Variants in HDX observed in about 807,000 individuals in gnomAD.
HDX encodes the protein chromosome X open reading frame 43.
In HDX, 19 loss-of-function variants were observed where a neutral mutation model predicts 45.2. The observed-to-expected ratio is 0.42, with a 90% CI of 0.29 to 0.62. HDX has a LOEUF of 0.62. Among genes scored for constraint, HDX ranks in the 20% least tolerant of loss-of-function variants. HDX has a pLI of 0.20. For synonymous variants in HDX, 188 were observed against 172.8 expected (o/e 1.09, Z -0.69); for missense variants, 532 against 493.9 (o/e 1.08, Z -0.73).
chrX:84,417,140 C>T (rs2039122461), intron 5 of HDX, among the ~76,000 whole-genome samples: 2 of 95,272 alleles, frequency 2.1e-5, no homozygotes, highest in South Asian at 5.2e-4. Context: ...AGTGACAGAG[C>T]GAGACTCCAA....
At chrX:84,423,334 A>G (rs1240247931) in intron 5 of HDX, among the ~76,000 whole-genome samples, 1 of 110,787 alleles carries the variant, frequency 9.0e-6, no homozygotes, top group Non-Finnish European at 1.9e-5. Context: ...CCCTAGACCT[A>G]ATGGCTTCAA....
intron 4 of HDX, among the ~76,000 whole-genome samples, chrX:84,453,467 G>A: frequency 8.9e-6 from 1 of 111,833 alleles, no homozygotes; most frequent in Non-Finnish European, 1.9e-5. Context: ...ATGCTGACCT[G>A]TCAGCAGAAG....
chrX:84,360,774 A>T (rs1373821977), intron 6 of HDX, among the ~76,000 whole-genome samples: 1 of 112,100 alleles, frequency 8.9e-6, no homozygotes, highest in Non-Finnish European at 1.9e-5. Context: ...GCTCTATAAT[A>T]GTCCATTATA....
At chrX:84,416,424 ATTGT>A (rs1247758172) in intron 5 of HDX, among the ~76,000 whole-genome samples, 4 of 111,797 alleles carry the variant, frequency 3.6e-5, no homozygotes, top group African/African-American at 9.7e-5. Context: ...ATTATATTTC[ATTGT>A]TTGAGTAAAA....
chrX:84,338,749 A>T, intron 7 of HDX, among the ~76,000 whole-genome samples: 1 of 110,882 alleles, frequency 9.0e-6, no homozygotes, highest in Non-Finnish European at 1.9e-5. Flanking sequence ...ACTCATGTCA[A>T]ATTGCAATCC....
At chrX:84,363,142 G>A (rs983248108) in intron 5 of HDX, among the ~76,000 whole-genome samples, 25 of 111,379 alleles carry the variant, frequency 2.2e-4, no homozygotes, top group Non-Finnish European at 3.6e-4. Context: ...ACTAAATTAC[G>A]TTTCCAATAA....
At chrX:84,326,939 A>G (rs1228903674) in intron 9 of HDX, among the ~76,000 whole-genome samples, 1 of 110,182 alleles carries the variant, frequency 9.1e-6, no homozygotes, top group Non-Finnish European at 1.9e-5. Flanking sequence ...AAGATTAGGA[A>G]TAGATAGAGT....
intron 4 of HDX, among the ~76,000 whole-genome samples, chrX:84,462,698 T>A (rs767326217): frequency 3.6e-5 from 4 of 111,064 alleles, no homozygotes; most frequent in South Asian, 3.7e-4. Flanking sequence ...AAGAATTTTT[T>A]AAAAAATTGG....
chrX:84,475,547 T>C (rs2040530485), intron 2 of HDX, 150 bp from the exon 3 acceptor site: 1 of 399,085 alleles, frequency 2.5e-6, no homozygotes, highest in Non-Finnish European at 4.3e-6. Flanking sequence ...ATAATTTGTG[T>C]GCTAAAGGGA....
chrX:84,412,198 G>A (rs747233924), intron 5 of HDX, among the ~76,000 whole-genome samples: 1 of 111,440 alleles, frequency 9.0e-6, no homozygotes, highest in South Asian at 3.8e-4. Flanking sequence ...AGATCCTGTT[G>A]TCATGCTGCT....
intron 2 of HDX, 41 bp from the exon 3 acceptor site, chrX:84,475,438 T>G (rs758508157): frequency 1.2e-4 from 106 of 893,301 alleles, no homozygotes; most frequent in Non-Finnish European, 2.9e-5. Context: ...GGAATAAAAA[T>G]TTGGTATGTG....
chrX:84,466,249 A>G (rs1030856291), intron 4 of HDX, among the ~76,000 whole-genome samples: 5 of 112,467 alleles, frequency 4.4e-5, no homozygotes, highest in African/African-American at 1.3e-4. Flanking sequence ...GTTCATATGT[A>G]TAAGAAGTTT....
Position 84,363,936 on chromosome X carries a change from C to T in HDX, c.1306-2324G>A, listed in dbSNP as rs778442033. ...AAGAGTAGTATTCCAATAACCCAGG[C>T]AATCTAGGTGAAAGCTGAAACTTTA... is the stretch of plus-strand genomic sequence containing the variant. On this transcript the variant is annotated intron_variant, in intron 5 of 10. Transcript: ENST00000373177. Among the ~76,000 whole-genome samples the T allele has an allele frequency of 2.5e-3, 279 of 111,145 alleles. 2 individuals are homozygous for T. Among genetic ancestry groups the T allele is most frequent in the African/African-American group, 8.8e-3 (270 of 30,617 alleles).
chrX:84,412,058 T>C (rs979319672), intron 5 of HDX, among the ~76,000 whole-genome samples: 11 of 111,868 alleles, frequency 9.8e-5, no homozygotes, highest in East Asian at 2.8e-4. Flanking sequence ...ATGGGTGTCA[T>C]TGAACATGAG....
chrX:84,394,947 A>G (rs2038525521), intron 5 of HDX, among the ~76,000 whole-genome samples: 1 of 111,082 alleles, frequency 9.0e-6, no homozygotes, highest in South Asian at 3.7e-4. Flanking sequence ...TTTTTTATTC[A>G]GCATGTCTAC....
intron 5 of HDX, among the ~76,000 whole-genome samples, chrX:84,419,483 C>T (rs995017203): frequency 4.5e-5 from 5 of 111,931 alleles, no homozygotes; most frequent in African/African-American, 1.3e-4. Flanking sequence ...GGAAGAACTG[C>T]ATCTTGGTGT....
intron 5 of HDX, among the ~76,000 whole-genome samples, chrX:84,414,008 T>C (rs894216406): frequency 8.9e-6 from 1 of 111,743 alleles, no homozygotes; most frequent in Non-Finnish European, 1.9e-5. Flanking sequence ...AGAGAGGATG[T>C]AACTGAAACT....
intron 5 of HDX, among the ~76,000 whole-genome samples, chrX:84,437,145 G>A (rs2039654946): frequency 9.0e-6 from 1 of 111,350 alleles, no homozygotes; most frequent in South Asian, 3.7e-4. Flanking sequence ...GAAACCAATA[G>A]CAAGTATGAG....
chrX:84,482,294 C>T (rs1024244995), intron 2 of HDX, among the ~76,000 whole-genome samples: 1 of 111,454 alleles, frequency 9.0e-6, no homozygotes, highest in African/African-American at 3.3e-5. Flanking sequence ...TACTGCTTTT[C>T]ATAGGGATTG....
Sources: gnomAD v4.1 joint callset for allele counts (sites outside exome capture counted in the v4.1 genomes callset) on GRCh38, gnomAD v4.1.1 for gene constraint, MANE v1.5 for transcripts, NCBI Gene and HGNC (gene_info 2026-07-23, HGNC 2026-07-21) for gene names.